The following SF3B3 variants were observed in gnomAD, a reference collection of about 807,000 sequenced individuals.
The protein encoded by SF3B3 is splicing factor 3b subunit 3, also known as SAP 130.
A neutral mutation model predicts 139.2 loss-of-function variants in SF3B3; 33 were observed. The observed-to-expected ratio is 0.24, with a 90% CI of 0.18 to 0.32. The LOEUF is 0.32. SF3B3 is among the 10% of genes least tolerant of loss of function. The pLI is 1.00. For synonymous variants in SF3B3, 596 were observed against 563.6 expected (o/e 1.06, Z -0.81); for missense variants, 818 against 1,509.4 (o/e 0.54, Z 7.59).
intron 24 of SF3B3, 151 bp downstream of exon 24, chr16:70,570,300 C>A: frequency 1.2e-5 from 7 of 563,044 alleles, no homozygotes; most frequent in Non-Finnish European, 1.7e-5. Flanking sequence ...AGATAGGAAT[C>A]TTGATTCTCC....
intron 8 of SF3B3, among the ~76,000 whole-genome samples, chr16:70,539,417 G>T (rs1409439946): frequency 6.6e-6 from 1 of 151,984 alleles, no homozygotes; most frequent in Non-Finnish European, 1.5e-5. Context: ...ACATGGTGGC[G>T]GGCACCTGTA....
At chr16:70,547,289 T>C (rs927256009) in intron 10 of SF3B3, among the ~76,000 whole-genome samples, 11 of 152,224 alleles carry the variant, frequency 7.2e-5, no homozygotes, top group Admixed American at 4.6e-4. Flanking sequence ...CTATAAGATG[T>C]GGGTTACACG....
intron 10 of SF3B3, among the ~76,000 whole-genome samples, chr16:70,547,039 A>T (rs559355423): frequency 5.3e-4 from 81 of 151,488 alleles, no homozygotes; most frequent in Non-Finnish European, 8.7e-4. Context: ...AAAAAAAAAA[A>T]TTTTTTTTTA....
rs1207823097 is a variant in SF3B3, at chr16:70,577,580, A to G, written c.*5767A>G. 6.6e-6 allele frequency: 1 copy of G among 152,236 alleles called. No homozygotes were observed. The highest frequency in any genetic ancestry group is 2.4e-5 in the African/African-American group (1 of 41,462). 9.4% of individuals were successfully genotyped at this position (152,236 alleles called of 1,614,324 possible). A position where few individuals can be genotyped will look rare whatever the true frequency, so the allele number is the denominator to read the frequency against. ...AAGTTCAGGGCAAAACCAGGAATCC[A>G]GTTTTGTCGATCCAATTGAGAAAAC... On this transcript the variant is annotated 3_prime_UTR_variant, in exon 26 of 26. Coordinates refer to ENST00000302516, the MANE Select transcript of SF3B3 (RefSeq NM_012426.5).
At position 70,571,748 on chromosome 16, in the gene SF3B3, C is replaced by G. The variant is rs1451532200; in HGVS notation, c.3589C>G (p.Leu1197Val). ...PNKQKNVSEE[L>V]DRTPPEVSKK... is the part of the protein sequence containing the mutation. ...CAAACAAAAGAACGTCTCTGAAGAA[C>G]TGGACCGAACCCCACCCGAAGTGTC... Residue 1197 changes from leucine to valine, a missense_variant, in exon 26 of 26, where the codon CTG becomes GTG. Physicochemically the swap from Leu to Val is conservative, Grantham distance 32 (BLOSUM62 1). This residue lies in a region of SF3B3 where 28 missense variants were observed against 59.1 expected (regional missense o/e 0.47). Coordinates refer to ENST00000302516, the MANE Select transcript of SF3B3 (RefSeq NM_012426.5). The G allele has an allele frequency of 1.9e-6, 3 of 1,614,166 alleles. 1 individual carries two copies. In the South Asian group the frequency reaches 3.3e-5, roughly 18 times the overall value.
At chr16:70,557,194 G>A (rs1189875725) in intron 15 of SF3B3, among the ~76,000 whole-genome samples, 165 bp downstream of exon 15, 1 of 152,098 alleles carries the variant, frequency 6.6e-6, no homozygotes, top group African/African-American at 2.4e-5. Context: ...TCTTTAATTC[G>A]AACAAATCAG....
chr16:70,526,293 C>T (rs917708170), intron 1 of SF3B3, among the ~76,000 whole-genome samples: 1 of 151,920 alleles, frequency 6.6e-6, no homozygotes, highest in Non-Finnish European at 1.5e-5. Flanking sequence ...CCACAACCTC[C>T]GCCTCCCAGG....
At chr16:70,563,292 A>G (rs1016523358) in intron 17 of SF3B3, among the ~76,000 whole-genome samples, 1 of 152,186 alleles carries the variant, frequency 6.6e-6, no homozygotes, top group Non-Finnish European at 1.5e-5. Context: ...AATGTAGAGA[A>G]TAAACTACAA....
chr16:70,537,201 G>A (rs1597709182), intron 6 of SF3B3, among the ~76,000 whole-genome samples: 1 of 152,200 alleles, frequency 6.6e-6, no homozygotes, highest in East Asian at 1.9e-4. Context: ...AGGGAGTGAT[G>A]TATAAGTGAT....
chr16:70,561,330 T>G, intron 16 of SF3B3: 1 of 238,550 alleles, frequency 4.2e-6, no homozygotes. Flanking sequence ...CTTCATTCCA[T>G]TTAATTCTTG....
intron 5 of SF3B3, among the ~76,000 whole-genome samples, chr16:70,533,018 G>T (rs1290897246): frequency 1.3e-5 from 2 of 152,132 alleles, no homozygotes; most frequent in Non-Finnish European, 2.9e-5. Context: ...AAACAAAATA[G>T]AAATATTTTT....
rs2050543501 is a variant in SF3B3, at chr16:70,572,924, C to A, written c.*1111C>A. The stretch of plus-strand genomic sequence containing the variant: ...TCCAGGCTGTCCTTGCGCCTTGAAC[C>A]TGGAGAAGTGAGCTCACTGTTCTCA... On this transcript the variant is annotated 3_prime_UTR_variant, in exon 26 of 26. Coordinates refer to ENST00000302516, the MANE Select transcript of SF3B3 (RefSeq NM_012426.5). 6.6e-6 allele frequency: 1 copy of A among 152,222 alleles called. No individual in the cohort carries two copies. The highest frequency in any genetic ancestry group is 1.5e-5 in the Non-Finnish European group (1 of 68,048). The allele number at this position is 152,222 out of a possible 1,614,324, so 9.4% of individuals were successfully genotyped here. A position where few individuals can be genotyped will look rare whatever the true frequency, so the allele number is the denominator to read the frequency against.
chr16:70,534,488 C>T (rs1316431275), intron 5 of SF3B3, among the ~76,000 whole-genome samples: 1 of 151,886 alleles, frequency 6.6e-6, no homozygotes, highest in Non-Finnish European at 1.5e-5. Context: ...CTGGTAGCTG[C>T]TAAGGAGGTA....
intron 25 of SF3B3, 44 bp downstream of exon 25, chr16:70,571,243 G>GAGC: frequency 7.2e-7 from 1 of 1,383,330 alleles, no homozygotes; most frequent in Non-Finnish European, 1.0e-6. Flanking sequence ...TCTGAGAAAG[G>GAGC]AGCAGCACAG....
chr16:70,572,740 G>C lies in SF3B3; in HGVS notation c.*927G>C, dbSNP rs925187046. Reference sequence around the variant, plus strand: ...ATACTGCCCTGCCCCTGAGAACTGTGTATATGTGGGGCCTGTCTGCAGCAC... The same window carrying C: ...ATACTGCCCTGCCCCTGAGAACTGTCTATATGTGGGGCCTGTCTGCAGCAC... On this transcript the variant is annotated 3_prime_UTR_variant, in exon 26 of 26. Transcript: ENST00000302516. The C allele has an allele frequency of 1.3e-5, 2 of 152,216 alleles. No homozygotes were observed. Among genetic ancestry groups the C allele is most frequent in the Non-Finnish European group, 2.9e-5 (2 of 68,170 alleles). The allele number at this position is 152,216 out of a possible 1,614,324, so 9.4% of individuals were successfully genotyped here. A position where few individuals can be genotyped will look rare whatever the true frequency, so the allele number is the denominator to read the frequency against.
chr16:70,535,383 AC>A lies in SF3B3; in HGVS notation c.790del (p.Gln264SerfsTer22). On this transcript the variant is annotated frameshift_variant, in exon 6 of 26. Coordinates refer to ENST00000302516, the MANE Select transcript of SF3B3 (RefSeq NM_012426.5). LOFTEE classifies it high-confidence loss of function. The part of the protein sequence containing the change: ...ENYITYKNFG[D>X]QPDIRCPIPR... The stretch of plus-strand genomic sequence containing the variant: ...TATATTACTTACAAGAACTTTGGTG[AC>A]CAGCCAGATATCCGCTGTCCAATTC... 6.2e-7 allele frequency: 1 copy of A among 1,611,042 alleles called. No homozygotes were observed. Among genetic ancestry groups the A allele is most frequent in the Non-Finnish European group, 8.5e-7 (1 of 1,178,176 alleles).
At chr16:70,540,592 A>T (rs578118695) in intron 8 of SF3B3, among the ~76,000 whole-genome samples, 13 of 152,156 alleles carry the variant, frequency 8.5e-5, no homozygotes, top group African/African-American at 1.7e-4. Flanking sequence ...AAACTTCTGG[A>T]CTTAAGCAAT....
intron 6 of SF3B3, among the ~76,000 whole-genome samples, chr16:70,536,807 C>CTTTT (rs34747226): frequency 9.0e-5 from 11 of 122,638 alleles, no homozygotes; most frequent in Non-Finnish European, 1.4e-4. Context: ...AATTTTCTTT[C>CTTTT]TTTTTTTTTT....
chr16:70,553,301 C>T (rs2050345973), intron 11 of SF3B3, among the ~76,000 whole-genome samples: 1 of 152,118 alleles, frequency 6.6e-6, no homozygotes, highest in Non-Finnish European at 1.5e-5. Flanking sequence ...CTTAATCTAG[C>T]TGAACCTCAT....
Sources: gnomAD v4.1 joint callset for allele counts (sites outside exome capture counted in the v4.1 genomes callset) on GRCh38, gnomAD v4.1.1 for gene constraint, gnomAD v4.1.1 regional missense constraint, MANE v1.5 for transcripts, NCBI Gene and HGNC (gene_info 2026-07-23, HGNC 2026-07-21) for gene names.